C2orf92: variants seen among roughly 807,000 people sequenced by gnomAD.
The protein encoded by C2orf92 is uncharacterized protein C2orf92.
chr2:97,673,452 C>G (rs1044883847), intron 1 of C2orf92, among the ~76,000 whole-genome samples: 2 of 152,296 alleles, frequency 1.3e-5, no homozygotes, highest in South Asian at 2.1e-4. Context: ...ATGTCACACA[C>G]TGGCCTACCA....
upstream of C2orf92, chr2:97,669,202 C>A (rs1307891282): frequency 1.3e-5 from 2 of 152,150 alleles, no homozygotes; most frequent in Non-Finnish European, 2.9e-5. Context: ...ACGTGAGTAA[C>A]AAAATGGGCG....
chr2:97,690,267 G>A lies in C2orf92; in HGVS notation c.343G>A (p.Ala115Thr). 1 of 398,934 alleles carries A rather than the reference G, an allele frequency of 2.5e-6. No homozygotes were observed. The highest frequency in any genetic ancestry group is 4.4e-6 in the Non-Finnish European group (1 of 226,030). 24.7% of individuals were successfully genotyped at this position (398,934 alleles called of 1,614,324 possible). ...GTGTCTTATCAAAGGAACCAGCATT[G>A]CTTGGAATTCTCCTAAACCAGAATA... ...KTDMRKGTSI[A>T]WNSPKPEYFL... Residue 115 changes from alanine to threonine, a missense_variant, in exon 5 of 8, where the codon GCT becomes ACT. Transcript: ENST00000627399.
intron 3 of C2orf92, 129 bp from the exon 4 acceptor site, chr2:97,688,766 T>A: frequency 2.5e-6 from 1 of 395,602 alleles, no homozygotes; most frequent in Non-Finnish European, 4.5e-6. Flanking sequence ...TTTTAGGGAA[T>A]AACGTCCCAT....
chr2:97,702,849 G>C lies in C2orf92; in HGVS notation c.*48G>C, dbSNP rs1171933370. Reference sequence around the variant, plus strand: ...CCAGGACTTGAAACCACAATGCGAGGACATTCTCCATCTGCGCACCACAGG... The same window carrying C: ...CCAGGACTTGAAACCACAATGCGAGCACATTCTCCATCTGCGCACCACAGG... On this transcript the variant is annotated 3_prime_UTR_variant, in exon 8 of 8. Transcript: ENST00000627399. 2.5e-6 allele frequency: 1 copy of C among 398,720 alleles called. No homozygotes were observed. The highest frequency in any genetic ancestry group is 2.1e-5 in the African/African-American group (1 of 48,636). The allele number at this position is 398,720 out of a possible 1,614,324, so 24.7% of individuals were successfully genotyped here. A position where few individuals can be genotyped will look rare whatever the true frequency, so the allele number is the denominator to read the frequency against.
intron 6 of C2orf92, among the ~76,000 whole-genome samples, chr2:97,700,065 A>T (rs1268144437): frequency 6.6e-6 from 1 of 152,162 alleles, no homozygotes; most frequent in African/African-American, 2.4e-5. Context: ...GATTTCCCTG[A>T]TGTCTTTTTC....
At chr2:97,679,647 G>T (rs1269572328) in intron 3 of C2orf92, among the ~76,000 whole-genome samples, 5 of 151,800 alleles carry the variant, frequency 3.3e-5, no homozygotes, top group Admixed American at 2.0e-4. Flanking sequence ...TTTGAAACCA[G>T]CCTGGCCAAC....
At chr2:97,697,845 A>T (rs994834564) in intron 5 of C2orf92, 8 of 151,710 alleles carry the variant, frequency 5.3e-5, no homozygotes, top group Admixed American at 6.6e-5. Context: ...TGCCTACCTC[A>T]GCCTTTCTAG....
intron 3 of C2orf92, among the ~76,000 whole-genome samples, chr2:97,684,731 G>A (rs1675896126): frequency 6.6e-6 from 1 of 152,054 alleles, no homozygotes; most frequent in African/African-American, 2.4e-5. Context: ...ATATCCAGAA[G>A]ACACAGCAAA....
intron 3 of C2orf92, among the ~76,000 whole-genome samples, chr2:97,685,196 T>G (rs1330342752): frequency 6.6e-6 from 1 of 151,788 alleles, no homozygotes; most frequent in Non-Finnish European, 1.5e-5. Flanking sequence ...CCCAAAGTGT[T>G]GGGATTACAG....
At chr2:97,699,325 G>A (rs1052778577) in intron 6 of C2orf92, among the ~76,000 whole-genome samples, 189 bp downstream of exon 6, 3 of 152,190 alleles carry the variant, frequency 2.0e-5, no homozygotes, top group Non-Finnish European at 4.4e-5. Context: ...GCCGGGCACG[G>A]TGGCTCACGC....
At chr2:97,672,581 G>T (rs941562707) in intron 1 of C2orf92, 12 of 151,842 alleles carry the variant, frequency 7.9e-5, no homozygotes, top group Non-Finnish European at 1.5e-4. Context: ...GGGAGTGATT[G>T]CATCTGAAGA....
chr2:97,694,710 A>C (rs1181564188), intron 5 of C2orf92: 3 of 152,156 alleles, frequency 2.0e-5, no homozygotes, highest in Non-Finnish European at 4.4e-5. Context: ...TGTACAAATA[A>C]TTCTTTGAGA....
chr2:97,673,362 A>G (rs1052375641), intron 1 of C2orf92, among the ~76,000 whole-genome samples: 1 of 151,958 alleles, frequency 6.6e-6, no homozygotes, highest in African/African-American at 2.4e-5. Flanking sequence ...GCACCCCTTC[A>G]ATGACTGCTT....
chr2:97,663,952 G>A, upstream of C2orf92: 1 of 937,034 alleles, frequency 1.1e-6, no homozygotes, highest in Non-Finnish European at 1.4e-6. Context: ...TGGGCGGGCG[G>A]GCGGGAGGAC....
upstream of C2orf92, among the ~76,000 whole-genome samples, chr2:97,667,538 T>A (rs1559294207): frequency 6.6e-6 from 1 of 150,650 alleles, no homozygotes; most frequent in Non-Finnish European, 1.5e-5. Flanking sequence ...GTTCATGCCA[T>A]TCTCCTGCCT....
At chr2:97,664,179 C>G (rs1675124326), upstream of C2orf92, 2 of 197,964 alleles carry the variant, frequency 1.0e-5, no homozygotes, top group Non-Finnish European at 2.0e-5. Flanking sequence ...AAAAAGTGGT[C>G]GCGGCGTTGC....
intron 3 of C2orf92, among the ~76,000 whole-genome samples, chr2:97,678,256 T>A (rs1675646977): frequency 6.8e-6 from 1 of 146,720 alleles, no homozygotes; most frequent in African/African-American, 2.5e-5. Context: ...ACATTGAAAG[T>A]ATCCAGCCTG....
chr2:97,695,566 T>C (rs1210174402), intron 5 of C2orf92, among the ~76,000 whole-genome samples: 1 of 152,216 alleles, frequency 6.6e-6, no homozygotes, highest in Non-Finnish European at 1.5e-5. Context: ...TGAATAATCA[T>C]TGTTTAAGTA....
chr2:97,681,890 C>G (rs936836165), intron 3 of C2orf92, among the ~76,000 whole-genome samples: 2 of 150,816 alleles, frequency 1.3e-5, no homozygotes, highest in Non-Finnish European at 1.5e-5. Flanking sequence ...AAATAAATAA[C>G]CTAATTGTAC....
Sources: gnomAD v4.1 joint callset for allele counts (sites outside exome capture counted in the v4.1 genomes callset) on GRCh38, gnomAD v4.1.1 for gene constraint, MANE v1.5 for transcripts, NCBI Gene and HGNC (gene_info 2026-07-23, HGNC 2026-07-21) for gene names.